Variants in PIEZO2 observed in about 807,000 individuals in gnomAD.
PIEZO2 encodes piezo type mechanosensitive ion channel component 2.
PIEZO2 carries 172 observed loss-of-function variants against 337.3 expected under a neutral mutation model. The observed-to-expected ratio is 0.51, with a 90% CI of 0.45 to 0.58. The LOEUF is 0.58. Among genes scored for constraint, PIEZO2 ranks in the 20% least tolerant of loss-of-function variants. The pLI, the probability that PIEZO2 is intolerant of heterozygous loss-of-function variation, is 0.00. For missense variants in PIEZO2, 3,028 were observed against 3,391.3 expected (o/e 0.89, Z 2.66); for synonymous variants, 1,251 against 1,228.5 (o/e 1.02, Z -0.38).
At chr18:10,852,949 G>C (rs2041598370) in intron 7 of PIEZO2, among the ~76,000 whole-genome samples, 1 of 152,162 alleles carries the variant, frequency 6.6e-6, no homozygotes, top group Admixed American at 6.5e-5. Context: ...GGGGGCTTGG[G>C]AAGGCAGTCT....
Position 10,892,135 on chromosome 18 carries a change from A to C in PIEZO2, c.329+19051T>G, listed in dbSNP as rs567733988. ...ATAGCAGCTCTACTCATAATTGCCC[A>C]AAACTGAAAACAACCCAATTATCGA... On this transcript the variant is annotated intron_variant, in intron 4 of 55. Coordinates refer to ENST00000674853, the MANE Select transcript of PIEZO2 (RefSeq NM_001378183.1). 3.0e-4 allele frequency among the ~76,000 whole-genome samples: 45 copies of C among 152,336 alleles called. 1 individual carries two copies. Among genetic ancestry groups the C allele is most frequent in the African/African-American group, 1.1e-3 (44 of 41,576 alleles).
chr18:10,797,255 CCAT>C (rs2039642054), intron 12 of PIEZO2, 116 bp downstream of exon 12: 1 of 807,334 alleles, frequency 1.2e-6, no homozygotes. Flanking sequence ...ATCATACATA[CCAT>C]CATATCTTAT....
chr18:10,785,364 G>A (rs2039181537), intron 16 of PIEZO2, among the ~76,000 whole-genome samples: 1 of 152,102 alleles, frequency 6.6e-6, no homozygotes, highest in Admixed American at 6.6e-5. Flanking sequence ...TCCCCCTAGG[G>A]AAATCCTCTT....
rs1024932614 is a variant in PIEZO2 at position 10,895,702 on chromosome 18, C to T, written c.329+15484G>A. Among the ~76,000 whole-genome samples the T allele has an allele frequency of 6.6e-6, 1 of 152,148 alleles. No individual in the cohort carries two copies. The highest frequency in any genetic ancestry group is 2.4e-5 in the African/African-American group (1 of 41,424). The stretch of plus-strand genomic sequence containing the variant: ...TCCCTCTGACCTGCACATTTCATCT[C>T]TACCCAATGGACTACCAGCAACAGG... On this transcript the variant is annotated intron_variant, in intron 4 of 55. Coordinates refer to ENST00000674853, the MANE Select transcript of PIEZO2 (RefSeq NM_001378183.1). The surrounding 1 kb of genome is among the most constrained non-coding windows in gnomAD (Gnocchi z 4.8).
chr18:10,930,527 A>C (rs1238673843), intron 3 of PIEZO2, among the ~76,000 whole-genome samples: 1 of 152,218 alleles, frequency 6.6e-6, no homozygotes, highest in African/African-American at 2.4e-5. Context: ...GTATAAAATC[A>C]AGCTGTAACC....
At chr18:11,075,834 GC>G (rs1356401526) in intron 1 of PIEZO2, among the ~76,000 whole-genome samples, 1 of 149,604 alleles carries the variant, frequency 6.7e-6, no homozygotes, top group African/African-American at 2.5e-5. Flanking sequence ...TGTCACCCAG[GC>G]TGGAGTGCAG....
chr18:10,906,050 G>A (rs554910766), intron 4 of PIEZO2, among the ~76,000 whole-genome samples: 16 of 152,266 alleles, frequency 1.1e-4, no homozygotes, highest in South Asian at 2.1e-4. Flanking sequence ...TGGGGAAGAG[G>A]CTTGCTGACA....
In PIEZO2 at chr18:10,726,592, C is replaced by A; in HGVS notation, c.5029+4815G>T. ...GTCCTTCCGCCAGCTCTTCCAGGAC[C>A]TGGCGCGCTACGTGCGGGACGCCGA... On this transcript the variant is annotated intron_variant, in intron 36 of 55. Coordinates refer to ENST00000674853, the MANE Select transcript of PIEZO2 (RefSeq NM_001378183.1). The surrounding 1 kb of genome is among the most constrained non-coding windows in gnomAD (Gnocchi z 5.9). 2 of 1,409,294 alleles carry A rather than the reference C, an allele frequency of 1.4e-6. No homozygotes were observed. The highest frequency in any genetic ancestry group is 1.9e-6 in the Non-Finnish European group (2 of 1,059,216). The allele number at this position is 1,409,294 out of a possible 1,614,324, so 87.3% of individuals were successfully genotyped here.
chr18:10,933,518 A>C (rs989565774), intron 3 of PIEZO2, among the ~76,000 whole-genome samples: 8 of 152,170 alleles, frequency 5.3e-5, no homozygotes, highest in African/African-American at 1.9e-4. Context: ...GAGTCCCGCT[A>C]CCGTGGGAAT....
chr18:10,949,538 C>A (rs1318238382), intron 3 of PIEZO2, among the ~76,000 whole-genome samples: 2 of 152,206 alleles, frequency 1.3e-5, no homozygotes, highest in Non-Finnish European at 2.9e-5. Context: ...TAAAAGTCAG[C>A]CATTCTGGCT....
chr18:11,135,492 T>A (rs1417597282), intron 1 of PIEZO2, among the ~76,000 whole-genome samples: 1 of 152,206 alleles, frequency 6.6e-6, no homozygotes, highest in Non-Finnish European at 1.5e-5. Flanking sequence ...AGAAAATGCA[T>A]TATATGCATA....
At chr18:10,831,435 C>T (rs1000488827) in intron 7 of PIEZO2, among the ~76,000 whole-genome samples, 1 of 152,166 alleles carries the variant, frequency 6.6e-6, no homozygotes. Context: ...GAAAGACACA[C>T]TTTGCATATT....
At chr18:11,084,414 CATT>C in intron 1 of PIEZO2, among the ~76,000 whole-genome samples, 1 of 152,258 alleles carries the variant, frequency 6.6e-6, no homozygotes, top group African/African-American at 2.4e-5. Context: ...GAACTGGCAT[CATT>C]CTTCTTTCAG....
rs1366046983 is a variant in PIEZO2 at position 11,066,238 on chromosome 18, G to C, written c.65-16C>G. 6.6e-7 allele frequency: 1 copy of C among 1,524,240 alleles called. No homozygotes were observed. Among genetic ancestry groups the C allele is most frequent in the Non-Finnish European group, 8.8e-7 (1 of 1,135,602 alleles). The allele number at this position is 1,524,240 out of a possible 1,614,324, so 94.4% of individuals were successfully genotyped here. ...AATGCACATGCTGTGGGTGGGAAGAGAGAAGAGAGTGAGAAGATCATTAAC... is the reference window on the plus strand; with the variant it reads ...AATGCACATGCTGTGGGTGGGAAGACAGAAGAGAGTGAGAAGATCATTAAC... On this transcript the variant is annotated splice_polypyrimidine_tract_variant and intron_variant, in intron 1 of 55. Transcript: ENST00000674853.
rs1452331611 is a variant in PIEZO2, at chr18:11,016,036, T to C, written c.161-36376A>G. The stretch of plus-strand genomic sequence containing the variant: ...ATTCTCCCCTTTTCCTTGTTCTCCC[T>C]TTTCACCCTGGCCTCCTTCAGCCTC... On this transcript the variant is annotated intron_variant, in intron 2 of 55. Coordinates refer to ENST00000674853, the MANE Select transcript of PIEZO2 (RefSeq NM_001378183.1). The surrounding 1 kb of genome is among the most constrained non-coding windows in gnomAD (Gnocchi z 5.6). Among the ~76,000 whole-genome samples, 2 of 152,184 alleles carry C rather than the reference T, an allele frequency of 1.3e-5. No individual in the cohort carries two copies. The highest frequency in any genetic ancestry group is 2.9e-5 in the Non-Finnish European group (2 of 68,040).
At chr18:11,022,839 A>G (rs2036364221) in intron 2 of PIEZO2, among the ~76,000 whole-genome samples, 1 of 152,118 alleles carries the variant, frequency 6.6e-6, no homozygotes, top group South Asian at 2.1e-4. Context: ...CCTCGAGGTG[A>G]GTGTTACAGT....
intron 1 of PIEZO2, among the ~76,000 whole-genome samples, chr18:11,076,603 T>C (rs777393315): frequency 2.0e-5 from 3 of 152,132 alleles, no homozygotes; most frequent in Admixed American, 6.5e-5. Flanking sequence ...TAATTTAGTA[T>C]ACAAAGGTAG....
rs2038570861 is a variant in PIEZO2 at position 11,077,023 on chromosome 18, C to T, written c.65-10801G>A. On this transcript the variant is annotated intron_variant, in intron 1 of 55. Coordinates refer to ENST00000674853, the MANE Select transcript of PIEZO2 (RefSeq NM_001378183.1). The surrounding 1 kb of genome is among the most constrained non-coding windows in gnomAD (Gnocchi z 4.8). ...GACAGAATAGCACCACACATTGCCTCTCATAATTGCAAATGAGGAAATAAA... is the reference window on the plus strand; with the variant it reads ...GACAGAATAGCACCACACATTGCCTTTCATAATTGCAAATGAGGAAATAAA... 6.6e-6 allele frequency among the ~76,000 whole-genome samples: 1 copy of T among 152,176 alleles called. No homozygotes were observed. The highest frequency in any genetic ancestry group is 1.5e-5 in the Non-Finnish European group (1 of 68,036).
intron 51 of PIEZO2, 104 bp downstream of exon 51, chr18:10,681,557 C>T: frequency 1.1e-6 from 1 of 902,942 alleles, no homozygotes. Flanking sequence ...CCTGAAAAGT[C>T]CTCCTTCCCA....
Sources: allele counts gnomAD v4.1 joint callset (sites outside exome capture counted in the v4.1 genomes callset), GRCh38; gene constraint gnomAD v4.1.1; non-coding constraint Gnocchi (gnomAD v3.1); transcripts MANE v1.5; gene names NCBI Gene and HGNC (gene_info 2026-07-23, HGNC 2026-07-21).